Variants in GRIK2 observed in about 807,000 individuals in gnomAD.
The protein encoded by GRIK2 is glutamate ionotropic receptor kainate type subunit 2, also known as glutamate receptor ionotropic, kainate 2.
GRIK2 carries 32 observed loss-of-function variants against 100.3 expected under a neutral mutation model. The ratio of observed to expected loss-of-function variants is 0.32; its 90% confidence interval spans 0.24 to 0.43. The LOEUF (loss-of-function observed/expected upper bound fraction) is 0.43, where lower values mean the gene tolerates loss of function less well. GRIK2 is among the 20% of genes least tolerant of loss of function. The pLI, the probability that GRIK2 is intolerant of heterozygous loss-of-function variation, is 1.00. For synonymous variants in GRIK2, 417 were observed against 389.4 expected (o/e 1.07, Z -0.83); for missense variants, 843 against 1,114.9 (o/e 0.76, Z 3.47).
At chr6:101,995,562 C>T (rs945801238) in intron 14 of GRIK2, among the ~76,000 whole-genome samples, 2 of 151,886 alleles carry the variant, frequency 1.3e-5, no homozygotes, top group African/African-American at 4.8e-5. Flanking sequence ...GCTTTAAATG[C>T]TCATCAACGT....
chr6:102,045,831 A>C (rs182772596), intron 15 of GRIK2, among the ~76,000 whole-genome samples: 31 of 152,248 alleles, frequency 2.0e-4, no homozygotes, highest in Non-Finnish European at 3.7e-4. Flanking sequence ...GCAATGAATA[A>C]AAATTGCAAG....
intron 2 of GRIK2, among the ~76,000 whole-genome samples, chr6:101,618,333 A>C (rs1203231354): frequency 6.6e-6 from 1 of 151,594 alleles, no homozygotes; most frequent in Non-Finnish European, 1.5e-5. Context: ...ATTTTTCTCT[A>C]TTAATTTTTC....
intron 4 of GRIK2, among the ~76,000 whole-genome samples, chr6:101,675,977 C>T (rs1026581811): frequency 1.3e-5 from 2 of 152,048 alleles, no homozygotes; most frequent in Admixed American, 1.3e-4. Context: ...AACCAAGTAA[C>T]CAAAGTTTCT....
intron 2 of GRIK2, among the ~76,000 whole-genome samples, chr6:101,521,865 A>G (rs1463725799): frequency 6.6e-6 from 1 of 152,070 alleles, no homozygotes; most frequent in Non-Finnish European, 1.5e-5. Context: ...TATGTATAAA[A>G]TAAGAATGTT....
chr6:101,792,286 C>T (rs1199083569), intron 7 of GRIK2, among the ~76,000 whole-genome samples: 3 of 151,786 alleles, frequency 2.0e-5, no homozygotes, highest in Non-Finnish European at 4.4e-5. Flanking sequence ...TTAGTTGATG[C>T]AGTTTCTTCC....
At chr6:101,457,164 A>G (rs1024389865) in intron 2 of GRIK2, among the ~76,000 whole-genome samples, 1 of 152,180 alleles carries the variant, frequency 6.6e-6, no homozygotes, top group Non-Finnish European at 1.5e-5. Context: ...TAATCAAGCC[A>G]TTGCATAGGA....
At chr6:101,976,021 A>G (rs1289759731) in intron 14 of GRIK2, among the ~76,000 whole-genome samples, 4 of 151,998 alleles carry the variant, frequency 2.6e-5, no homozygotes, top group African/African-American at 9.7e-5. Flanking sequence ...AAAATCATTT[A>G]GTTTTGGATG....
intron 15 of GRIK2, among the ~76,000 whole-genome samples, chr6:102,046,755 TG>T (rs1770910304): frequency 6.6e-6 from 1 of 152,150 alleles, no homozygotes; most frequent in African/African-American, 2.4e-5. Context: ...AACAGTAGAA[TG>T]TGCTTTCTTC....
At chr6:101,394,809 A>T (rs1774942026) in intron 1 of GRIK2, among the ~76,000 whole-genome samples, 1 of 152,198 alleles carries the variant, frequency 6.6e-6, no homozygotes, top group Non-Finnish European at 1.5e-5. Flanking sequence ...GTGGCCTTAA[A>T]AACTTTTGAG....
Position 101,942,271 on chromosome 6 carries a change from G to A in GRIK2, c.2085+13639G>A, listed in dbSNP as rs569798143. On this transcript the variant is annotated intron_variant, in intron 14 of 16. Transcript: ENST00000369134. ...CATGGGGGCATTTTCTAATCGTTTA[G>A]CATCATCTCCATTTTCAAGTAGTTC... is the stretch of plus-strand genomic sequence containing the variant. Among the ~76,000 whole-genome samples, 5 of 152,234 alleles carry A rather than the reference G, an allele frequency of 3.3e-5. No homozygotes were observed. In the East Asian group the frequency reaches 9.6e-4, roughly 29 times the overall value.
intron 16 of GRIK2, chr6:102,065,677 T>G (rs550884741): frequency 1.8e-6 from 1 of 556,596 alleles, no homozygotes; most frequent in Admixed American, 3.7e-5. Flanking sequence ...TGGTTTTAAA[T>G]GAAGGTTTAT....
chr6:102,004,518 C>A (rs189253763), intron 14 of GRIK2, among the ~76,000 whole-genome samples: 10 of 151,938 alleles, frequency 6.6e-5, no homozygotes, highest in African/African-American at 1.9e-4. Context: ...TGTTTCTATA[C>A]CTCCACTTAA....
chr6:101,465,818 C>T (rs1254463175), intron 2 of GRIK2, among the ~76,000 whole-genome samples: 1 of 152,154 alleles, frequency 6.6e-6, no homozygotes, highest in Non-Finnish European at 1.5e-5. Flanking sequence ...AGATTCCAGT[C>T]AGGTCAAGTA....
At chr6:101,882,101 T>C (rs1786289844) in intron 11 of GRIK2, among the ~76,000 whole-genome samples, 1 of 152,016 alleles carries the variant, frequency 6.6e-6, no homozygotes, top group South Asian at 2.1e-4. Flanking sequence ...ATGAGACTTA[T>C]TCATTACTAT....
intron 10 of GRIK2, among the ~76,000 whole-genome samples, chr6:101,846,513 G>T (rs994601093): frequency 2.0e-5 from 3 of 152,000 alleles, no homozygotes; most frequent in African/African-American, 7.2e-5. Context: ...TTAGTATCAG[G>T]GTAGTGTTGG....
intron 5 of GRIK2, among the ~76,000 whole-genome samples, chr6:101,679,331 T>C (rs1036893766): frequency 1.3e-5 from 2 of 152,228 alleles, no homozygotes; most frequent in South Asian, 2.1e-4. Flanking sequence ...GCATATTATC[T>C]GCCTAGATAA....
chr6:101,781,232 CTAA>C (rs754273681), intron 7 of GRIK2, among the ~76,000 whole-genome samples: 86 of 152,124 alleles, frequency 5.7e-4, no homozygotes, highest in Non-Finnish European at 9.7e-4. Context: ...TCAGATTTCA[CTAA>C]TAATTGGTCA....
rs1443369594 is a variant in GRIK2 at position 101,759,906 on chromosome 6, G to A, written c.952-39742G>A. Among the ~76,000 whole-genome samples, 6 of 129,188 alleles carry A rather than the reference G, an allele frequency of 4.6e-5. 2 individuals carry two copies. Among genetic ancestry groups the A allele is most frequent in the African/African-American group, 2.2e-4 (6 of 27,902 alleles). 84.8% of individuals were successfully genotyped at this position (129,188 alleles called of 152,430 possible). A position where few individuals can be genotyped will look rare whatever the true frequency, so the allele number is the denominator to read the frequency against. ...TTATTTTTTTTTGAGACGGAGTCTCGCTCTGTCGCCCAGGCCGGACTGCGG... is the reference window on the plus strand; with the variant it reads ...TTATTTTTTTTTGAGACGGAGTCTCACTCTGTCGCCCAGGCCGGACTGCGG... On this transcript the variant is annotated intron_variant, in intron 7 of 16. Coordinates refer to ENST00000369134, the MANE Select transcript of GRIK2 (RefSeq NM_021956.5).
chr6:101,475,785 C>G (rs373857685), intron 2 of GRIK2, among the ~76,000 whole-genome samples: 1 of 151,746 alleles, frequency 6.6e-6, no homozygotes, highest in Non-Finnish European at 1.5e-5. Context: ...CTAAAAAAGG[C>G]GATATTTGTG....
Sources: gnomAD v4.1 joint callset for allele counts (sites outside exome capture counted in the v4.1 genomes callset) on GRCh38, gnomAD v4.1.1 for gene constraint, MANE v1.5 for transcripts, NCBI Gene and HGNC (gene_info 2026-07-23, HGNC 2026-07-21) for gene names.